Variants in PCDHA10 observed in about 807,000 individuals in gnomAD.
PCDHA10 encodes the protein protocadherin alpha-10.
In PCDHA10, 45 loss-of-function variants were observed where a neutral mutation model predicts 61.2. That is an observed-to-expected ratio of 0.74 (90% CI 0.58 to 0.94). The LOEUF is 0.94. PCDHA10 is among the 40% of genes least tolerant of loss of function. The probability of loss-of-function intolerance (pLI) is 0.00; values close to 1 mark genes in which losing one functional copy is unlikely to be tolerated. For missense variants in PCDHA10, 1,278 were observed against 1,236.2 expected, an observed-to-expected ratio of 1.03 and a Z score of -0.51; for synonymous variants, 602 against 548.8, an observed-to-expected ratio of 1.10 and a Z score of -1.35.
chr5:140,961,856 C>T (rs781908407), intron 1 of PCDHA10, among the ~76,000 whole-genome samples: 1 of 151,570 alleles, frequency 6.6e-6, no homozygotes, highest in Non-Finnish European at 1.5e-5. Flanking sequence ...GATCATTTAT[C>T]TGGCCACAGA....
At chr5:141,006,950 T>G (rs1169196116) in intron 3 of PCDHA10, among the ~76,000 whole-genome samples, 1 of 152,148 alleles carries the variant, frequency 6.6e-6, no homozygotes, top group African/African-American at 2.4e-5. Flanking sequence ...AGATAGGCAG[T>G]TATACATGAG....
At chr5:140,998,136 C>T (rs2153950850) in intron 3 of PCDHA10, among the ~76,000 whole-genome samples, 1 of 152,308 alleles carries the variant, frequency 6.6e-6, no homozygotes, top group South Asian at 2.1e-4. Context: ...TAATAGCTAA[C>T]CTGTACTGAA....
intron 1 of PCDHA10, chr5:140,869,898 C>T (rs782158709): frequency 6.2e-7 from 1 of 1,610,356 alleles, no homozygotes; most frequent in Non-Finnish European, 8.5e-7. Flanking sequence ...TCAAACTAAA[C>T]GCCACAGACC....
intron 1 of PCDHA10, among the ~76,000 whole-genome samples, chr5:140,945,740 C>A (rs966678098): frequency 5.9e-5 from 9 of 151,998 alleles, no homozygotes; most frequent in African/African-American, 2.2e-4. Flanking sequence ...AAAAGGACAG[C>A]CTCTTCAATA....
chr5:140,947,704 G>T (rs1199039011), intron 1 of PCDHA10, among the ~76,000 whole-genome samples: 2 of 151,488 alleles, frequency 1.3e-5, no homozygotes, highest in East Asian at 3.9e-4. Flanking sequence ...GTAGTTTTAA[G>T]TATTGAGGTT....
At chr5:140,874,326 GT>G (rs150189539) in intron 1 of PCDHA10, among the ~76,000 whole-genome samples, 3,860 of 152,194 alleles carry the variant, frequency 0.025, 154 homozygotes, top group African/African-American at 0.088. Flanking sequence ...GATCTTATCT[GT>G]TTTTTTCTCT....
In PCDHA10 at chr5:140,856,951, A is replaced by G; in HGVS notation, c.903A>G (p.Ile301Met). ...GGATAAACGAAAGGACGGGAGAAAT[A>G]AAAGTAAATGATGCTATTGACTTTG... Reference protein sequence around the residue: ...KFWINERTGEIKVNDAIDFED... With the variant: ...KFWINERTGEMKVNDAIDFED... The change falls in exon 1 of 4, where the codon ATA becomes ATG. Residue 301 changes from isoleucine to methionine, a missense_variant. By Grantham distance (10) the Ile-to-Met change is conservative. Transcript: ENST00000307360. 2 of 1,593,156 alleles carry G rather than the reference A, an allele frequency of 1.3e-6. No homozygotes were observed. Among genetic ancestry groups the G allele is most frequent in the Non-Finnish European group, 1.7e-6 (2 of 1,163,108 alleles).
intron 1 of PCDHA10, among the ~76,000 whole-genome samples, chr5:140,953,847 A>G (rs1165540937): frequency 6.6e-6 from 1 of 152,200 alleles, no homozygotes. Flanking sequence ...CCAGGTAAAC[A>G]TGTGCCATGG....
chr5:140,880,801 GAA>G (rs1193515493), intron 1 of PCDHA10, among the ~76,000 whole-genome samples: 5 of 152,182 alleles, frequency 3.3e-5, no homozygotes, highest in African/African-American at 1.2e-4. Flanking sequence ...ATAAATAGGT[GAA>G]TGACTCTAGA....
At chr5:140,972,624 G>A (rs2096543924) in intron 1 of PCDHA10, among the ~76,000 whole-genome samples, 1 of 150,616 alleles carries the variant, frequency 6.6e-6, no homozygotes, top group Non-Finnish European at 1.5e-5. Flanking sequence ...GAATGTTGTT[G>A]GCACTCCCTT....
At chr5:140,972,990 G>A (rs185555684) in intron 1 of PCDHA10, among the ~76,000 whole-genome samples, 2 of 152,188 alleles carry the variant, frequency 1.3e-5, no homozygotes, top group African/African-American at 4.8e-5. Context: ...GGTAGATTCT[G>A]TGCATTTGTG....
At position 140,856,428 on chromosome 5, in the gene PCDHA10, A is replaced by G. The variant is rs782670614; in HGVS notation, c.380A>G (p.Asp127Gly). The change falls in exon 1 of 4, where the codon GAC becomes GGC. Residue 127 changes from aspartate (D) to glycine (G), a missense_variant. Physicochemically the swap from Asp to Gly is moderately conservative, Grantham distance 94 (BLOSUM62 -1). Coordinates refer to ENST00000307360, the MANE Select transcript of PCDHA10 (RefSeq NM_018901.4). ...HVDVEVKDIN[D>G]NPPRFSVTEQ... ...GACGTGGAAGTGAAGGACATTAACG[A>G]CAACCCGCCCAGGTTCTCCGTAACA... The G allele has an allele frequency of 5.0e-6, 8 of 1,598,286 alleles. No homozygotes were observed. The East Asian group carries it at 1.8e-4, about 36-fold the overall frequency.
intron 1 of PCDHA10, chr5:140,881,346 A>G (rs534939044): frequency 1.0e-6 from 1 of 985,162 alleles, no homozygotes; most frequent in Non-Finnish European, 1.2e-6. Context: ...GATTCGGGCT[A>G]CAATGCGTGG....
chr5:140,869,502 C>G (rs2051182557), intron 1 of PCDHA10: 1 of 1,614,090 alleles, frequency 6.2e-7, no homozygotes, highest in African/African-American at 1.3e-5. Context: ...CGCCGGTGTT[C>G]TCGCTCAGAG....
At chr5:140,863,749 G>A (rs1346198553) in intron 1 of PCDHA10, 2 of 245,258 alleles carry the variant, frequency 8.2e-6, no homozygotes, top group African/African-American at 2.2e-5. Context: ...TTGTAATCCC[G>A]GCACTTTGGG....
intron 3 of PCDHA10, among the ~76,000 whole-genome samples, chr5:141,008,259 T>G (rs986818585): frequency 3.3e-5 from 5 of 152,202 alleles, no homozygotes; most frequent in Non-Finnish European, 7.3e-5. Context: ...TAGAGGAGAC[T>G]GAGAAGTAAT....
intron 1 of PCDHA10, chr5:140,967,032 A>G (rs2096085772): frequency 6.2e-7 from 1 of 1,610,180 alleles, no homozygotes; most frequent in African/African-American, 1.3e-5. Context: ...AGTCCGCGCT[A>G]CCTGGAGCTG....
chr5:140,916,367 C>G (rs1400347792), intron 1 of PCDHA10, among the ~76,000 whole-genome samples: 1 of 152,196 alleles, frequency 6.6e-6, no homozygotes, highest in Non-Finnish European at 1.5e-5. Flanking sequence ...GAGTCTTTCA[C>G]TGTAGCCACC....
At chr5:140,912,385 C>A (rs1323082765) in intron 1 of PCDHA10, among the ~76,000 whole-genome samples, 6 of 148,114 alleles carry the variant, frequency 4.1e-5, no homozygotes, top group African/African-American at 1.5e-4. Context: ...GGATTGAGTT[C>A]TTAATTTGAT....
Sources: gnomAD v4.1 joint callset for allele counts (sites outside exome capture counted in the v4.1 genomes callset) on GRCh38, gnomAD v4.1.1 for gene constraint, MANE v1.5 for transcripts, NCBI Gene and HGNC (gene_info 2026-07-23, HGNC 2026-07-21) for gene names.